PCDHA8: variants seen among roughly 807,000 people sequenced by gnomAD.
PCDHA8 encodes the protein protocadherin alpha 8.
In PCDHA8, 53 loss-of-function variants were observed where a neutral mutation model predicts 61.8. The observed-to-expected ratio is 0.86, with a 90% CI of 0.69 to 1.08. The LOEUF is 1.08. Among genes scored for constraint, PCDHA8 ranks in the 50% least tolerant of loss-of-function variants. PCDHA8 has a pLI of 0.00. For missense variants in PCDHA8, 1,293 were observed against 1,245.0 expected, an observed-to-expected ratio of 1.04 and a Z score of -0.58; for synonymous variants, 618 against 556.6, an observed-to-expected ratio of 1.11 and a Z score of -1.55.
chr5:140,926,891 G>A, intron 1 of PCDHA8: 9 of 1,545,914 alleles, frequency 5.8e-6, no homozygotes, highest in Non-Finnish European at 7.9e-6. Context: ...CCTAGAGGGA[G>A]GATGGTGGGC....
At chr5:140,959,583 A>G (rs529440681) in intron 1 of PCDHA8, among the ~76,000 whole-genome samples, 10 of 152,332 alleles carry the variant, frequency 6.6e-5, no homozygotes, top group Admixed American at 1.3e-4. Flanking sequence ...TTTCAATTCT[A>G]TCAGCCAAGT....
At chr5:140,882,987 CG>C in intron 1 of PCDHA8, 1 of 1,614,110 alleles carries the variant, frequency 6.2e-7, no homozygotes, top group South Asian at 1.1e-5. Flanking sequence ...GACAACGCCC[CG>C]GAATTTTACC....
chr5:140,947,760 A>G (rs1332466215), intron 1 of PCDHA8, among the ~76,000 whole-genome samples: 1 of 151,618 alleles, frequency 6.6e-6, no homozygotes, highest in Admixed American at 6.6e-5. Context: ...TTATGGTTTA[A>G]AAAATTCTAT....
intron 1 of PCDHA8, among the ~76,000 whole-genome samples, chr5:140,886,827 G>GAAAAA (rs782016620): frequency 6.6e-5 from 4 of 60,918 alleles, no homozygotes; most frequent in African/African-American, 6.0e-5. Flanking sequence ...ACTTCGTCTT[G>GAAAAA]AAAAAAAAAA....
intron 1 of PCDHA8, among the ~76,000 whole-genome samples, chr5:140,893,945 A>T (rs1293077869): frequency 6.6e-6 from 1 of 152,180 alleles, no homozygotes; most frequent in Non-Finnish European, 1.5e-5. Flanking sequence ...TTAATTCTGC[A>T]TGACTTTATT....
At position 140,857,968 on chromosome 5, in the gene PCDHA8, C is replaced by T. The variant is rs782482021; in HGVS notation, c.2394+14253C>T. The T allele has an allele frequency of 5.8e-5, 93 of 1,597,052 alleles. 13 individuals are homozygous for T. The Middle Eastern group carries it at 6.7e-4, about 11-fold the overall frequency. ...CGACGCGCGCTCTGGATGAGACTGA[C>T]TCGCCACGCCAGCGCCTACTGGTGC... On this transcript the variant is annotated intron_variant, in intron 1 of 3. Coordinates refer to ENST00000531613, the MANE Select transcript of PCDHA8 (RefSeq NM_018911.3).
chr5:140,855,410 T>A (rs2043456249), intron 1 of PCDHA8, among the ~76,000 whole-genome samples: 1 of 149,998 alleles, frequency 6.7e-6, no homozygotes, highest in Admixed American at 6.7e-5. Context: ...TTGAAGCTAA[T>A]GATCTCTAAA....
intron 1 of PCDHA8, among the ~76,000 whole-genome samples, chr5:140,943,273 A>G (rs1451221832): frequency 1.3e-5 from 2 of 150,472 alleles, no homozygotes; most frequent in East Asian, 1.9e-4. Flanking sequence ...AAAAAAAAAA[A>G]AAAAGAAAGA....
intron 1 of PCDHA8, among the ~76,000 whole-genome samples, chr5:140,931,879 T>A (rs1335268218): frequency 3.3e-5 from 5 of 151,966 alleles, no homozygotes; most frequent in Non-Finnish European, 7.4e-5. Flanking sequence ...TATTTATTGC[T>A]TTCATTTTAT....
intron 1 of PCDHA8, among the ~76,000 whole-genome samples, chr5:140,913,340 C>G (rs1276320319): frequency 6.6e-6 from 1 of 152,024 alleles, no homozygotes; most frequent in African/African-American, 2.4e-5. Context: ...GGAATTTATC[C>G]ATTTCCTCTA....
At chr5:140,869,463 C>T (rs1554163094) in intron 1 of PCDHA8, 1 of 1,614,148 alleles carries the variant, frequency 6.2e-7, no homozygotes, top group South Asian at 1.1e-5. Context: ...TCCATGTGAA[C>T]GTGGAGGTGA....
In PCDHA8 at chr5:140,841,967, G is replaced by T. The variant is rs1270523059; in HGVS notation, c.646G>T (p.Asp216Tyr). The change falls in exon 1 of 4, where the codon GAT (aspartate) becomes TAT (tyrosine). Residue 216 changes from aspartate to tyrosine, a missense_variant. Physicochemically the swap from Asp to Tyr is radical, Grantham distance 160. Coordinates refer to ENST00000531613, the MANE Select transcript of PCDHA8 (RefSeq NM_018911.3). The part of the protein sequence containing the change: ...PAHHLFLTAT[D>Y]GGKPELTGTV... Reference sequence around the variant, plus strand: ...GCACCACTTATTCCTGACAGCCACAGATGGGGGCAAACCTGAGCTCACAGG... The same window carrying T: ...GCACCACTTATTCCTGACAGCCACATATGGGGGCAAACCTGAGCTCACAGG... The T allele has an allele frequency of 4.3e-6, 7 of 1,613,816 alleles. No homozygotes were observed. The Admixed American group carries it at 1.2e-4, about 27-fold the overall frequency.
At chr5:140,998,156 C>T (rs782675490) in intron 3 of PCDHA8, among the ~76,000 whole-genome samples, 3 of 152,178 alleles carry the variant, frequency 2.0e-5, no homozygotes, top group Non-Finnish European at 4.4e-5. Context: ...ACAGTTAAGC[C>T]ATGTGCCAAG....
At chr5:140,863,452 G>A in intron 1 of PCDHA8, 4 of 561,032 alleles carry the variant, frequency 7.1e-6, no homozygotes, top group South Asian at 2.9e-5. Flanking sequence ...TCGCAGCAAA[G>A]GAGATTTTAC....
At chr5:140,966,882 C>A (rs782464160) in intron 1 of PCDHA8, 1 of 1,589,690 alleles carries the variant, frequency 6.3e-7, no homozygotes, top group Non-Finnish European at 8.5e-7. Context: ...CTACCTGGCC[C>A]TGCGGCCTCC....
intron 1 of PCDHA8, among the ~76,000 whole-genome samples, chr5:140,948,646 G>T (rs1030231985): frequency 6.6e-6 from 1 of 151,616 alleles, no homozygotes; most frequent in South Asian, 2.1e-4. Context: ...ATCTTTTAAC[G>T]TCTGTATAAT....
chr5:140,927,191 T>G, intron 1 of PCDHA8: 1 of 1,614,144 alleles, frequency 6.2e-7, no homozygotes. Flanking sequence ...TACGACCTGG[T>G]GCTCGAGGAC....
chr5:140,883,302 A>T (rs1177736093), intron 1 of PCDHA8: 1 of 1,613,992 alleles, frequency 6.2e-7, no homozygotes, highest in African/African-American at 1.3e-5. Context: ...GATGTAAATG[A>T]TAACGCCCCA....
At chr5:140,845,504 C>T (rs1210471805) in intron 1 of PCDHA8, among the ~76,000 whole-genome samples, 1 of 149,510 alleles carries the variant, frequency 6.7e-6, no homozygotes, top group Non-Finnish European at 1.5e-5. Flanking sequence ...AAGTCTAAAC[C>T]TATTTCTTGT....
Sources: allele counts gnomAD v4.1 joint callset (sites outside exome capture counted in the v4.1 genomes callset), GRCh38; gene constraint gnomAD v4.1.1; transcripts MANE v1.5; gene names NCBI Gene and HGNC (gene_info 2026-07-23, HGNC 2026-07-21).